Variants in POM121 observed in about 807,000 individuals in gnomAD.
POM121 encodes POM121 transmembrane nucleoporin, also known as nuclear envelope pore membrane protein POM 121.
A neutral mutation model predicts 81.3 loss-of-function variants in POM121; 32 were observed. The ratio of observed to expected loss-of-function variants is 0.39; its 90% CI spans 0.30 to 0.53. The LOEUF is 0.53. Ranked by LOEUF, POM121 falls within the 20% of genes least tolerant of loss-of-function variation. The probability of loss-of-function intolerance (pLI) is 0.66; values close to 1 mark genes in which losing one functional copy is unlikely to be tolerated. For missense variants in POM121, 1,138 were observed against 1,614.6 expected (o/e 0.70, Z 5.06); for synonymous variants, 514 against 694.2 (o/e 0.74, Z 4.08).
chr7:72,931,351 GCT>G (rs1214799863), intron 5 of POM121, among the ~76,000 whole-genome samples: 2 of 152,044 alleles, frequency 1.3e-5, no homozygotes, highest in African/African-American at 4.8e-5. Flanking sequence ...TCTTCAGAAA[GCT>G]TTGGTTTCTT....
intron 3 of POM121, among the ~76,000 whole-genome samples, chr7:72,899,558 T>C (rs1423315221): frequency 4.0e-5 from 6 of 151,694 alleles, no homozygotes; most frequent in South Asian, 2.1e-4. Context: ...GGATTTATTC[T>C]GCCTGCTTGA....
chr7:72,926,648 A>G (rs1795476689), intron 2 of POM121, among the ~76,000 whole-genome samples, 154 bp from the exon 3 acceptor site: 2 of 152,246 alleles, frequency 1.3e-5, no homozygotes. Flanking sequence ...GCTCTTAACG[A>G]AAAAGTAGCT....
At chr7:72,914,705 C>T (rs1554494862) in intron 4 of POM121, among the ~76,000 whole-genome samples, 1 of 152,068 alleles carries the variant, frequency 6.6e-6, no homozygotes, top group African/African-American at 2.4e-5. Flanking sequence ...TTGGTGTTTC[C>T]TGTGTTGCAC....
chr7:72,894,646 AG>A (rs1791719161), intron 3 of POM121, among the ~76,000 whole-genome samples: 3 of 60,392 alleles, frequency 5.0e-5, no homozygotes, highest in Non-Finnish European at 1.7e-4. Flanking sequence ...AGAGAGAGAG[AG>A]AGAGAGAGAG....
intron 1 of POM121, among the ~76,000 whole-genome samples, chr7:72,890,207 A>C (rs1235142273): frequency 6.6e-6 from 1 of 152,336 alleles, no homozygotes; most frequent in East Asian, 1.9e-4. Context: ...AGGAAGAAGA[A>C]GACCAGGAAC....
downstream of POM121, chr7:72,950,129 C>T: frequency 2.5e-6 from 4 of 1,603,216 alleles, no homozygotes; most frequent in African/African-American, 1.4e-5. Context: ...GCGGGAAACA[C>T]CAGCAGCTCC....
At chr7:72,893,146 C>T (rs1191546386) in intron 3 of POM121, among the ~76,000 whole-genome samples, 1 of 151,914 alleles carries the variant, frequency 6.6e-6, no homozygotes, top group Non-Finnish European at 1.5e-5. Context: ...TTAGTAGAGA[C>T]GGGGTTTCAG....
intron 11 of POM121, among the ~76,000 whole-genome samples, chr7:72,945,042 A>C (rs1554502825): frequency 1.3e-5 from 2 of 151,772 alleles, no homozygotes; most frequent in African/African-American, 4.8e-5. Context: ...GAGCACAGGG[A>C]GCTTCCTCTT....
At chr7:72,918,203 C>T (rs1354061037) in intron 4 of POM121, among the ~76,000 whole-genome samples, 7 of 152,172 alleles carry the variant, frequency 4.6e-5, no homozygotes, top group Non-Finnish European at 8.8e-5. Flanking sequence ...AGGCCCTCCA[C>T]AAGAGGTGGA....
At chr7:72,928,299 T>C in intron 3 of POM121, 86 bp from the exon 4 acceptor site, 1 of 1,538,040 alleles carries the variant, frequency 6.5e-7, no homozygotes. Context: ...ATAGAGATAG[T>C]ATAAGGTCCC....
Position 72,948,246 on chromosome 7 carries a change from T to A in POM121, c.*2012T>A. 1 of 1,452,476 alleles carries A rather than the reference T, an allele frequency of 6.9e-7. No individual in the cohort carries two copies. The highest frequency in any genetic ancestry group is 9.1e-7 in the Non-Finnish European group (1 of 1,102,746). The allele number at this position is 1,452,476 out of a possible 1,614,324, so 90.0% of individuals were successfully genotyped here. ...CTAGTTGGAATTTTTAGTATGAATG[T>A]GAGATTTTTCTCCTGCTTGTGACAT... is the stretch of plus-strand genomic sequence containing the variant. On this transcript the variant is annotated 3_prime_UTR_variant, in exon 13 of 13. Coordinates refer to ENST00000434423, the MANE Select transcript of POM121 (RefSeq NM_001387691.1).
chr7:72,930,585 G>A (rs1483289594), intron 5 of POM121, among the ~76,000 whole-genome samples: 19 of 152,340 alleles, frequency 1.2e-4, no homozygotes, highest in South Asian at 2.1e-4. Context: ...TCTTATAGGC[G>A]TTTAGAATTG....
At chr7:72,939,794 A>G (rs1395861428) in intron 7 of POM121, 53 bp from the exon 8 acceptor site, 20 of 1,610,718 alleles carry the variant, frequency 1.2e-5, no homozygotes, top group Non-Finnish European at 1.6e-5. Flanking sequence ...AGACACAACC[A>G]TCCATTTCTG....
At chr7:72,925,028 TCG>T, upstream of POM121, 1 of 1,326,114 alleles carries the variant, frequency 7.5e-7, no homozygotes, top group Non-Finnish European at 9.6e-7. Flanking sequence ...TCTCCCGGAG[TCG>T]CGCGCGCATG....
intron 5 of POM121, 86 bp from the exon 6 acceptor site, chr7:72,938,504 T>C (rs1796738833): frequency 7.0e-7 from 1 of 1,420,156 alleles, no homozygotes; most frequent in Non-Finnish European, 9.9e-7. Context: ...GAATGTTTTT[T>C]TAGTCACTTG....
upstream of POM121, among the ~76,000 whole-genome samples, chr7:72,921,390 C>T (rs376347691): frequency 5.7e-4 from 87 of 152,136 alleles, no homozygotes; most frequent in African/African-American, 2.0e-3. Context: ...TGCATAGTGC[C>T]CTCCTTTCTT....
downstream of POM121, chr7:72,949,252 C>T: frequency 2.4e-6 from 2 of 824,400 alleles, no homozygotes; most frequent in East Asian, 2.4e-5. Context: ...AAACAGATGA[C>T]TCCAGGTCTA....
chr7:72,950,319 G>T (rs1797970058), downstream of POM121: 1 of 926,544 alleles, frequency 1.1e-6, no homozygotes, highest in African/African-American at 1.7e-5. Flanking sequence ...GGTGATAAGG[G>T]AATCCGGGAT....
intron 3 of POM121, among the ~76,000 whole-genome samples, chr7:72,904,046 T>C (rs1312154097): frequency 4.6e-5 from 7 of 152,332 alleles, no homozygotes; most frequent in African/African-American, 1.7e-4. Context: ...TCAAGTGATC[T>C]GCCCGCCTCG....
Sources: allele counts gnomAD v4.1 joint callset (sites outside exome capture counted in the v4.1 genomes callset), GRCh38; gene constraint gnomAD v4.1.1; transcripts MANE v1.5; gene names NCBI Gene and HGNC (gene_info 2026-07-23, HGNC 2026-07-21).